SLC35F3: variants seen among roughly 807,000 people sequenced by gnomAD.
SLC35F3 encodes the protein putative thiamine transporter SLC35F3.
In SLC35F3, 25 loss-of-function variants were observed where a neutral mutation model predicts 49.9. The observed-to-expected ratio is 0.50, with a 90% CI of 0.37 to 0.70. The LOEUF is 0.70. SLC35F3 is among the 30% of genes least tolerant of loss of function. The pLI is 0.00. For missense variants in SLC35F3, 525 were observed against 639.8 expected (o/e 0.82, Z 1.94); for synonymous variants, 275 against 265.4 (o/e 1.04, Z -0.35).
chr1:233,980,569 C>T (rs1303124956), intron 2 of SLC35F3, among the ~76,000 whole-genome samples: 2 of 152,158 alleles, frequency 1.3e-5, no homozygotes, highest in South Asian at 2.1e-4. Context: ...TTCTGGCCCT[C>T]GTGGGAGAAG....
At chr1:233,982,696 T>A (rs1014182112) in intron 2 of SLC35F3, among the ~76,000 whole-genome samples, 1 of 152,026 alleles carries the variant, frequency 6.6e-6, no homozygotes, top group Non-Finnish European at 1.5e-5. Context: ...TACCCACATC[T>A]TTTTTTTGTT....
chr1:233,986,140 C>T (rs1425840460), intron 2 of SLC35F3, among the ~76,000 whole-genome samples: 6 of 152,192 alleles, frequency 3.9e-5, no homozygotes, highest in African/African-American at 1.4e-4. Context: ...GTGCTTCAAA[C>T]ACAATATATA....
At position 234,219,760 on chromosome 1, in the gene SLC35F3, ATTC is replaced by A. The variant is rs555128166; in HGVS notation, c.284-11651_284-11649del. On this transcript the variant is annotated intron_variant, in intron 2 of 7. Transcript: ENST00000366618. ...TGCTGAGCCTGGATGTGGCCTCAGAATTCTTCTTGTCACCACACTCCAGGTGAC... is the reference window on the plus strand; with the variant it reads ...TGCTGAGCCTGGATGTGGCCTCAGAATTCTTGTCACCACACTCCAGGTGAC... 1.2e-4 allele frequency among the ~76,000 whole-genome samples: 18 copies of A among 152,278 alleles called. No homozygotes were observed. The South Asian group carries it at 3.3e-3, about 28-fold the overall frequency.
At chr1:234,012,425 C>T (rs1663737333) in intron 2 of SLC35F3, among the ~76,000 whole-genome samples, 1 of 152,242 alleles carries the variant, frequency 6.6e-6, no homozygotes, top group African/African-American at 2.4e-5. Flanking sequence ...AGGTCTTTCT[C>T]ATCCCACGAG....
intron 3 of SLC35F3, among the ~76,000 whole-genome samples, chr1:234,256,589 C>A (rs1341174489): frequency 6.6e-6 from 1 of 152,228 alleles, no homozygotes; most frequent in Non-Finnish European, 1.5e-5. Flanking sequence ...TCACTGACCA[C>A]GGAGTGGTTC....
At chr1:234,074,077 A>C (rs748882058) in intron 2 of SLC35F3, among the ~76,000 whole-genome samples, 1 of 152,190 alleles carries the variant, frequency 6.6e-6, no homozygotes, top group Non-Finnish European at 1.5e-5. Context: ...CTACATTTTA[A>C]GAAACGTCCC....
intron 2 of SLC35F3, among the ~76,000 whole-genome samples, chr1:234,156,865 G>C (rs1170725139): frequency 6.6e-6 from 1 of 152,102 alleles, no homozygotes; most frequent in African/African-American, 2.4e-5. Flanking sequence ...TGTCACAAAA[G>C]GGCACATGTT....
At chr1:234,299,385 A>G (rs1244662956) in intron 3 of SLC35F3, among the ~76,000 whole-genome samples, 2 of 152,202 alleles carry the variant, frequency 1.3e-5, no homozygotes, top group African/African-American at 4.8e-5. Flanking sequence ...AGGGGGAAAA[A>G]CAGAAATTGA....
intron 2 of SLC35F3, among the ~76,000 whole-genome samples, chr1:234,018,517 G>A (rs1432019636): frequency 6.6e-6 from 1 of 152,094 alleles, no homozygotes; most frequent in African/African-American, 2.4e-5. Context: ...CTTAGCATGT[G>A]CAAGAGCCTA....
chr1:234,123,628 G>A (rs546766273), intron 2 of SLC35F3, among the ~76,000 whole-genome samples: 7 of 150,606 alleles, frequency 4.6e-5, no homozygotes, highest in Admixed American at 6.6e-5. Context: ...ATGTTGCCCA[G>A]GCTATTCTTG....
chr1:234,051,161 T>C (rs1664370667), intron 2 of SLC35F3, among the ~76,000 whole-genome samples: 1 of 152,224 alleles, frequency 6.6e-6, no homozygotes, highest in Admixed American at 6.5e-5. Context: ...AGTAGTTTTT[T>C]CCAATTCTGT....
At chr1:233,968,604 C>T (rs1662939889) in intron 2 of SLC35F3, among the ~76,000 whole-genome samples, 1 of 152,076 alleles carries the variant, frequency 6.6e-6, no homozygotes, top group Non-Finnish European at 1.5e-5. Context: ...TCTGCCTCGG[C>T]CTCCCAAGTA....
intron 2 of SLC35F3, among the ~76,000 whole-genome samples, chr1:234,061,093 C>G (rs530428297): frequency 6.6e-6 from 1 of 152,264 alleles, no homozygotes; most frequent in Admixed American, 6.5e-5. Flanking sequence ...AAATTACTCT[C>G]TAGACTTACT....
intron 2 of SLC35F3, among the ~76,000 whole-genome samples, chr1:234,121,206 G>T (rs1665567315): frequency 7.6e-6 from 1 of 132,358 alleles, no homozygotes; most frequent in Non-Finnish European, 1.5e-5. Context: ...GCGCAATCTT[G>T]GCTCACTGCA....
intron 2 of SLC35F3, among the ~76,000 whole-genome samples, chr1:234,144,542 T>C (rs191744811): frequency 6.6e-6 from 1 of 152,364 alleles, no homozygotes; most frequent in Admixed American, 6.5e-5. Flanking sequence ...TGAGTATTTA[T>C]GGTCTATGGG....
intron 3 of SLC35F3, among the ~76,000 whole-genome samples, chr1:234,262,091 A>G (rs1379032428): frequency 6.6e-6 from 1 of 152,258 alleles, no homozygotes; most frequent in Non-Finnish European, 1.5e-5. Context: ...GCCATGCTCC[A>G]TATTAAATGC....
At chr1:234,138,482 T>A (rs1665842561) in intron 2 of SLC35F3, among the ~76,000 whole-genome samples, 1 of 152,016 alleles carries the variant, frequency 6.6e-6, no homozygotes, top group Non-Finnish European at 1.5e-5. Context: ...AGAGAAGAGG[T>A]GCTGAGGGCA....
chr1:233,931,160 A>G (rs1176832512), intron 2 of SLC35F3, among the ~76,000 whole-genome samples: 1 of 152,158 alleles, frequency 6.6e-6, no homozygotes, highest in Non-Finnish European at 1.5e-5. Context: ...AGACTTAAGC[A>G]TAAGACCTAA....
intron 3 of SLC35F3, among the ~76,000 whole-genome samples, chr1:234,297,735 C>T (rs922575403): frequency 1.7e-5 from 2 of 114,856 alleles, no homozygotes; most frequent in South Asian, 3.2e-4. Context: ...CAGAGCAATA[C>T]CCTGTCTCAA....
Sources: allele counts gnomAD v4.1 joint callset (sites outside exome capture counted in the v4.1 genomes callset), GRCh38; gene constraint gnomAD v4.1.1; transcripts MANE v1.5; gene names NCBI Gene and HGNC (gene_info 2026-07-23, HGNC 2026-07-21).